Variants in MAPKAP1 observed in about 807,000 individuals in gnomAD.
The protein encoded by MAPKAP1 is MAPK associated protein 1.
In MAPKAP1, 20 loss-of-function variants were observed where a neutral mutation model predicts 65.7. That is an observed-to-expected ratio of 0.30 (90% CI 0.21 to 0.44). The LOEUF (loss-of-function observed/expected upper bound fraction) is 0.44, where lower values mean the gene tolerates loss of function less well. Among genes scored for constraint, MAPKAP1 ranks in the 20% least tolerant of loss-of-function variants. MAPKAP1 has a pLI of 1.00. For synonymous variants in MAPKAP1, 222 were observed against 244.3 expected (o/e 0.91, Z 0.85); for missense variants, 423 against 648.0 (o/e 0.65, Z 3.77).
intron 3 of MAPKAP1, 128 bp downstream of exon 3, chr9:125,669,690 T>A: frequency 2.1e-6 from 1 of 484,918 alleles, no homozygotes. Context: ...GAGAAAGAGC[T>A]CAAAGCTCAA....
chr9:125,618,688 T>A (rs993283908), intron 4 of MAPKAP1, among the ~76,000 whole-genome samples: 1 of 152,184 alleles, frequency 6.6e-6, no homozygotes, highest in Non-Finnish European at 1.5e-5. Context: ...GTGGCGTGTA[T>A]ACACCTCAAA....
At chr9:125,511,918 A>G (rs778581765) in intron 7 of MAPKAP1, among the ~76,000 whole-genome samples, 3 of 152,240 alleles carry the variant, frequency 2.0e-5, no homozygotes, top group Non-Finnish European at 4.4e-5. Context: ...CCAATGATGT[A>G]TTTATTGCAG....
At chr9:125,537,459 C>T (rs545839542) in intron 7 of MAPKAP1, among the ~76,000 whole-genome samples, 1 of 152,282 alleles carries the variant, frequency 6.6e-6, no homozygotes, top group African/African-American at 2.4e-5. Flanking sequence ...ACCAACTCCT[C>T]CCATGGCACA....
At chr9:125,533,879 C>G (rs1830002515) in intron 7 of MAPKAP1, among the ~76,000 whole-genome samples, 1 of 152,186 alleles carries the variant, frequency 6.6e-6, no homozygotes, top group Non-Finnish European at 1.5e-5. Flanking sequence ...TTGTTCACTG[C>G]ATGTTTTTGT....
intron 4 of MAPKAP1, among the ~76,000 whole-genome samples, chr9:125,635,808 T>C (rs1833406760): frequency 6.6e-6 from 1 of 152,238 alleles, no homozygotes; most frequent in South Asian, 2.1e-4. Context: ...TGCTTCTTTA[T>C]TGTCATTTGC....
chr9:125,456,907 T>C (rs1015936241), intron 10 of MAPKAP1, among the ~76,000 whole-genome samples: 1 of 152,228 alleles, frequency 6.6e-6, no homozygotes, highest in Non-Finnish European at 1.5e-5. Flanking sequence ...CCACTATGTT[T>C]TGGGGCAATT....
chr9:125,560,774 C>T (rs1830869499), intron 5 of MAPKAP1, among the ~76,000 whole-genome samples: 2 of 152,148 alleles, frequency 1.3e-5, no homozygotes, highest in Non-Finnish European at 2.9e-5. Flanking sequence ...AGTCCTGACA[C>T]AGATACCTGG....
chr9:125,460,481 G>T (rs1278451683), intron 10 of MAPKAP1, among the ~76,000 whole-genome samples: 1 of 152,156 alleles, frequency 6.6e-6, no homozygotes, highest in Non-Finnish European at 1.5e-5. Context: ...TTTCCTCGTA[G>T]ACATTCTTAC....
At chr9:125,653,432 T>C (rs1833947185) in intron 4 of MAPKAP1, among the ~76,000 whole-genome samples, 1 of 152,222 alleles carries the variant, frequency 6.6e-6, no homozygotes, top group South Asian at 2.1e-4. Flanking sequence ...GGGGAAATTT[T>C]GCAAACCCTG....
At chr9:125,576,820 G>C (rs1445900986) in intron 5 of MAPKAP1, among the ~76,000 whole-genome samples, 1 of 152,152 alleles carries the variant, frequency 6.6e-6, no homozygotes, top group African/African-American at 2.4e-5. Flanking sequence ...TTCACTCAGT[G>C]CTCAATGGTG....
intron 1 of MAPKAP1, among the ~76,000 whole-genome samples, chr9:125,675,630 G>A (rs1357430720): frequency 6.6e-6 from 1 of 152,158 alleles, no homozygotes; most frequent in Non-Finnish European, 1.5e-5. Flanking sequence ...ATATTATTGT[G>A]TATGTCACTT....
chr9:125,685,474 G>C (rs1834947989), intron 1 of MAPKAP1, among the ~76,000 whole-genome samples: 1 of 152,194 alleles, frequency 6.6e-6, no homozygotes, highest in East Asian at 1.9e-4. Flanking sequence ...AGACTGGGGT[G>C]AGTCTGTAGG....
At chr9:125,608,054 G>T (rs1174507445) in intron 4 of MAPKAP1, among the ~76,000 whole-genome samples, 4 of 152,210 alleles carry the variant, frequency 2.6e-5, no homozygotes, top group Admixed American at 2.6e-4. Context: ...AGCGCCTGTA[G>T]TGACTGGGAG....
chr9:125,685,712 C>T (rs1834954422), intron 1 of MAPKAP1, among the ~76,000 whole-genome samples: 1 of 152,200 alleles, frequency 6.6e-6, no homozygotes, highest in Admixed American at 6.5e-5. Flanking sequence ...CTTCTAAACT[C>T]TCAAGACACT....
intron 8 of MAPKAP1, among the ~76,000 whole-genome samples, chr9:125,504,737 G>A (rs1158891422): frequency 1.3e-5 from 2 of 152,136 alleles, no homozygotes; most frequent in South Asian, 2.1e-4. Context: ...AGGTTGCAGT[G>A]AGCCTAGATC....
Position 125,544,861 on chromosome 9 carries a change from T to C in MAPKAP1, c.849-1693A>G, listed in dbSNP as rs527575232. ...GGCTGGGAAGGGCCTTAAGCCTAGG[T>C]TGGACCCAACTAGGTGGCTGACTCT... On this transcript the variant is annotated intron_variant, in intron 6 of 11. Transcript: ENST00000265960. 1.3e-4 allele frequency among the ~76,000 whole-genome samples: 20 copies of C among 152,294 alleles called. No homozygotes were observed. In the East Asian group the frequency reaches 1.4e-3, roughly 10 times the overall value.
chr9:125,554,556 T>C lies in MAPKAP1; in HGVS notation c.848+5077A>G, dbSNP rs927255780. 4.6e-5 allele frequency among the ~76,000 whole-genome samples: 7 copies of C among 152,140 alleles called. 1 individual carries two copies. Among genetic ancestry groups the C allele is most frequent in the African/African-American group, 1.7e-4 (7 of 41,426 alleles). ...GCTCATGCCTGTAATCCTAACACTT[T>C]GGGAGGCCGAGGCAGGAGGACTGCT... On this transcript the variant is annotated intron_variant, in intron 6 of 11. Transcript: ENST00000265960.
In MAPKAP1 at chr9:125,438,405, C is replaced by T. The variant is rs1439169494; in HGVS notation, c.*482G>A. The T allele has an allele frequency of 2.5e-6, 1 of 398,996 alleles. No homozygotes were observed. Among genetic ancestry groups the T allele is most frequent in the Non-Finnish European group, 4.4e-6 (1 of 226,182 alleles). The allele number at this position is 398,996 out of a possible 1,614,324, so 24.7% of individuals were successfully genotyped here. ...CCAATCTGCCTGTTCAATATGGGAACAGATTTTAAAGAGAGTAACATAATC... is the reference window on the plus strand; with the variant it reads ...CCAATCTGCCTGTTCAATATGGGAATAGATTTTAAAGAGAGTAACATAATC... On this transcript the variant is annotated 3_prime_UTR_variant, in exon 12 of 12. Transcript: ENST00000265960.
chr9:125,578,148 T>C (rs975687775), intron 5 of MAPKAP1, among the ~76,000 whole-genome samples: 28 of 152,152 alleles, frequency 1.8e-4, no homozygotes, highest in African/African-American at 6.3e-4. Context: ...CCCGGTGCTC[T>C]CTGAAACATG....
Sources: gnomAD v4.1 joint callset for allele counts (sites outside exome capture counted in the v4.1 genomes callset) on GRCh38, gnomAD v4.1.1 for gene constraint, MANE v1.5 for transcripts, NCBI Gene and HGNC (gene_info 2026-07-23, HGNC 2026-07-21) for gene names.